PCDHA7: variants seen among roughly 807,000 people sequenced by gnomAD.
PCDHA7 encodes the protein protocadherin alpha 7.
In PCDHA7, 37 loss-of-function variants were observed where a neutral mutation model predicts 57.2. The ratio of observed to expected loss-of-function variants is 0.65; its 90% CI spans 0.50 to 0.85. The LOEUF is 0.85. Ranked by LOEUF, PCDHA7 falls within the 40% of genes least tolerant of loss-of-function variation. The pLI is 0.00. For synonymous variants in PCDHA7, 553 were observed against 558.8 expected (o/e 0.99, Z 0.15); for missense variants, 1,188 against 1,241.8 (o/e 0.96, Z 0.65).
At chr5:140,937,982 A>G (rs1227498616) in intron 1 of PCDHA7, among the ~76,000 whole-genome samples, 1 of 151,926 alleles carries the variant, frequency 6.6e-6, no homozygotes, top group Non-Finnish European at 1.5e-5. Flanking sequence ...TACTGATTTT[A>G]TGTTAACTTT....
At position 140,836,491 on chromosome 5, in the gene PCDHA7, C is replaced by G. The variant is rs2150261960; in HGVS notation, c.2108C>G (p.Ala703Gly). 33 of 1,613,882 alleles carry G rather than the reference C, an allele frequency of 2.0e-5. No homozygotes were observed. Among genetic ancestry groups the G allele is most frequent in the Admixed American group, 3.3e-5 (2 of 60,020 alleles). The change falls in exon 1 of 4, where the codon GCC (alanine) becomes GGC (glycine). Residue 703 changes from alanine to glycine, a missense_variant. By Grantham distance (60) the Ala-to-Gly change is moderately conservative. Around this residue, in one of 3 missense-constraint regions of PCDHA7, gnomAD observed 892 missense variants for 788.5 expected, o/e 1.13. Coordinates refer to ENST00000525929, the MANE Select transcript of PCDHA7 (RefSeq NM_018910.3). Reference protein sequence around the residue: ...LVDVNVYLIIAICAVSSLLVL... With the variant: ...LVDVNVYLIIGICAVSSLLVL... ...GATGTCAACGTGTACCTGATCATCG[C>G]CATCTGCGCGGTGTCCAGTCTGTTG...
intron 1 of PCDHA7, chr5:140,966,442 T>C (rs1474683794): frequency 4.7e-6 from 2 of 424,056 alleles, no homozygotes; most frequent in East Asian, 3.6e-5. Flanking sequence ...TACCGCTCCC[T>C]TTCCCCCTCC....
chr5:140,997,958 G>A (rs890356748), intron 3 of PCDHA7, among the ~76,000 whole-genome samples: 3 of 152,126 alleles, frequency 2.0e-5, no homozygotes, highest in Non-Finnish European at 2.9e-5. Context: ...TGGCATTCAC[G>A]TACCTGTGGT....
chr5:140,909,719 C>T (rs2074652522), intron 1 of PCDHA7, among the ~76,000 whole-genome samples: 1 of 152,130 alleles, frequency 6.6e-6, no homozygotes, highest in Non-Finnish European at 1.5e-5. Flanking sequence ...ATACCTATGC[C>T]AATTATGCAT....
chr5:140,848,134 AC>A (rs1781341160), intron 1 of PCDHA7: 1 of 192,738 alleles, frequency 5.2e-6, no homozygotes, highest in South Asian at 1.3e-4. Context: ...GTCATACAAA[AC>A]TTTTAGAGGC....
chr5:140,950,100 A>G (rs964595718), intron 1 of PCDHA7, among the ~76,000 whole-genome samples: 1 of 151,910 alleles, frequency 6.6e-6, no homozygotes, highest in Non-Finnish European at 1.5e-5. Flanking sequence ...CATTTGTATT[A>G]AATCTCATAC....
chr5:140,971,857 T>G (rs1312639660), intron 1 of PCDHA7, among the ~76,000 whole-genome samples: 12 of 152,198 alleles, frequency 7.9e-5, no homozygotes, highest in African/African-American at 2.9e-4. Flanking sequence ...TAAATATTTG[T>G]TAACATCTAG....
At chr5:140,961,252 C>T (rs1185090498) in intron 1 of PCDHA7, among the ~76,000 whole-genome samples, 1 of 152,158 alleles carries the variant, frequency 6.6e-6, no homozygotes, top group African/African-American at 2.4e-5. Context: ...TTATCCGAAG[C>T]TCCAGGAAGC....
intron 1 of PCDHA7, chr5:140,883,880 C>G: frequency 1.2e-6 from 2 of 1,613,304 alleles, no homozygotes; most frequent in Non-Finnish European, 1.7e-6. Context: ...GGTGAGCGCG[C>G]GCGACTCTGG....
At chr5:140,927,288 C>T (rs917590577) in intron 1 of PCDHA7, 1 of 1,614,196 alleles carries the variant, frequency 6.2e-7, no homozygotes, top group Non-Finnish European at 8.5e-7. Context: ...TGCAGCTGCA[C>T]ATCCCCGAGT....
intron 1 of PCDHA7, among the ~76,000 whole-genome samples, chr5:140,900,093 C>T (rs559553399): frequency 1.6e-4 from 24 of 152,202 alleles, no homozygotes; most frequent in Middle Eastern, 3.4e-3. Flanking sequence ...TACAAGCATG[C>T]GCCACCATAC....
intron 1 of PCDHA7, among the ~76,000 whole-genome samples, chr5:140,890,025 T>G (rs1438426095): frequency 2.0e-5 from 3 of 152,178 alleles, no homozygotes; most frequent in African/African-American, 7.2e-5. Context: ...TGTAGAAGGC[T>G]TCAGGTGACT....
intron 1 of PCDHA7, among the ~76,000 whole-genome samples, chr5:140,941,191 T>TTTCTTTCTTCCTTTCTTCC (rs1487503403): frequency 1.1e-5 from 1 of 93,258 alleles, no homozygotes; most frequent in African/African-American, 3.9e-5. Flanking sequence ...GCTTCTTTTT[T>TTTCTTTCTTCCTTTCTTCC]TTTCTTTCTT....
intron 3 of PCDHA7, among the ~76,000 whole-genome samples, chr5:141,005,828 T>A (rs752447584): frequency 6.7e-6 from 1 of 149,690 alleles, no homozygotes; most frequent in African/African-American, 2.5e-5. Context: ...TGGCCTGTAG[T>A]CCCAGCCACT....
At chr5:140,988,545 T>C (rs1164667441) in intron 3 of PCDHA7, among the ~76,000 whole-genome samples, 1 of 152,150 alleles carries the variant, frequency 6.6e-6, no homozygotes, top group African/African-American at 2.4e-5. Context: ...ATTCATGACT[T>C]TCTTCATCTT....
intron 1 of PCDHA7, among the ~76,000 whole-genome samples, chr5:140,920,419 T>C (rs1282192714): frequency 6.6e-6 from 1 of 152,232 alleles, no homozygotes. Flanking sequence ...GATACAGCTG[T>C]TCTCCCACAC....
At chr5:140,875,508 G>A (rs1007736035) in intron 1 of PCDHA7, 19 of 1,613,588 alleles carry the variant, frequency 1.2e-5, no homozygotes, top group Non-Finnish European at 1.6e-5. Flanking sequence ...CGGGATCCCA[G>A]CGTCTGCTGC....
chr5:140,845,533 AT>A, intron 1 of PCDHA7, among the ~76,000 whole-genome samples: 1 of 149,618 alleles, frequency 6.7e-6, no homozygotes, highest in African/African-American at 2.4e-5. Flanking sequence ...ACTTTTCACT[AT>A]TCTAATTATG....
In PCDHA7 at chr5:140,923,435, G is replaced by A. The variant is rs186360462; in HGVS notation, c.2356-55514G>A. 5.3e-3 allele frequency among the ~76,000 whole-genome samples: 803 copies of A among 152,184 alleles called. 3 individuals are homozygous for A. Among genetic ancestry groups the A allele is most frequent in the Non-Finnish European group, 8.4e-3 (569 of 67,990 alleles). ...CCTGGCTACTTGGGAGGCTGGGGTG[G>A]GAGGATCACCTGAGCCCAGAGAGGT... On this transcript the variant is annotated intron_variant, in intron 1 of 3. Transcript: ENST00000525929.
Sources: allele counts gnomAD v4.1 joint callset (sites outside exome capture counted in the v4.1 genomes callset), GRCh38; gene constraint gnomAD v4.1.1; regional missense constraint gnomAD v4.1.1; transcripts MANE v1.5; gene names NCBI Gene and HGNC (gene_info 2026-07-23, HGNC 2026-07-21).